Variants in SCLT1 observed in about 807,000 individuals in gnomAD.
SCLT1 encodes the protein sodium channel and clathrin linker 1, also known as sodium channel-associated protein 1.
Under a neutral mutation model 112.8 loss-of-function variants are expected in SCLT1, and 78 were observed. The ratio of observed to expected loss-of-function variants is 0.69; its 90% confidence interval spans 0.58 to 0.83. SCLT1 has a LOEUF of 0.83. SCLT1 is among the 40% of genes least tolerant of loss of function. The probability of loss-of-function intolerance (pLI) is 0.00; values close to 1 mark genes in which losing one functional copy is unlikely to be tolerated. For missense variants in SCLT1, 747 were observed against 770.4 expected (o/e 0.97, Z 0.36); for synonymous variants, 257 against 254.7 (o/e 1.01, Z -0.09).
chr4:128,959,304 C>T (rs1459408219), intron 12 of SCLT1, among the ~76,000 whole-genome samples: 2 of 151,106 alleles, frequency 1.3e-5, no homozygotes, highest in Non-Finnish European at 2.9e-5. Flanking sequence ...AAGTAAAGCA[C>T]TGTTAACAGT....
chr4:128,946,957 C>T (rs1334460142), intron 15 of SCLT1, among the ~76,000 whole-genome samples: 1 of 152,178 alleles, frequency 6.6e-6, no homozygotes, highest in Non-Finnish European at 1.5e-5. Flanking sequence ...CAGGTGTAAG[C>T]AGTTCATACG....
rs1296492772 is a variant in SCLT1 at position 128,992,208 on chromosome 4, A to G, written c.645T>C (p.Thr215=). The G allele has an allele frequency of 6.2e-7, 1 of 1,602,464 alleles. No individual in the cohort carries two copies. The highest frequency in any genetic ancestry group is 8.5e-7 in the Non-Finnish European group (1 of 1,173,482). The change falls in exon 9 of 21, where the codon ACT becomes ACC. Residue 215 remains threonine, a synonymous_variant. Coordinates refer to ENST00000281142, the MANE Select transcript of SCLT1 (RefSeq NM_144643.4). Reference sequence around the variant, plus strand: ...GTTGTTCGATTATCACACTTTGTTCAGTTACTGTTTTCAGAAACTGTTGGT... The same window carrying G: ...GTTGTTCGATTATCACACTTTGTTCGGTTACTGTTTTCAGAAACTGTTGGT... ...VTNQQFLKTV[T]EQSVIIEQLR...
At chr4:128,891,192 ATCTT>A in intron 18 of SCLT1, 55 bp from the exon 19 acceptor site, 1 of 1,308,888 alleles carries the variant, frequency 7.6e-7, no homozygotes, top group Non-Finnish European at 1.1e-6. Context: ...AGAAAACAGA[ATCTT>A]TATTAGCAAG....
Position 129,009,376 on chromosome 4 carries a change from T to C in SCLT1, c.291-5500A>G, listed in dbSNP as rs188643113. 5.0e-3 allele frequency among the ~76,000 whole-genome samples: 764 copies of C among 152,168 alleles called. 6 individuals are homozygous for C. Among genetic ancestry groups the C allele is most frequent in the African/African-American group, 0.017 (718 of 41,494 alleles). On this transcript the variant is annotated intron_variant, in intron 5 of 20. Transcript: ENST00000281142. ...TAAATAAAAAAAAATTAGCCAGGCA[T>C]GGTGGTGGGCACCTGTAGTCCCAGC...
At chr4:129,002,921 A>C (rs545987651) in intron 6 of SCLT1, among the ~76,000 whole-genome samples, 1 of 152,324 alleles carries the variant, frequency 6.6e-6, no homozygotes, top group African/African-American at 2.4e-5. Context: ...TGATCCAGCA[A>C]TCCCATTACT....
intron 18 of SCLT1, among the ~76,000 whole-genome samples, chr4:128,896,608 T>C (rs1733777326): frequency 6.6e-6 from 1 of 152,044 alleles, no homozygotes; most frequent in Non-Finnish European, 1.5e-5. Flanking sequence ...ACTCTAAAAA[T>C]CAGAGTGCCT....
intron 5 of SCLT1, among the ~76,000 whole-genome samples, chr4:129,027,449 G>A (rs556894085): frequency 3.8e-4 from 58 of 152,166 alleles, no homozygotes; most frequent in African/African-American, 1.3e-3. Flanking sequence ...CAATAGATGC[G>A]GAAAAGGCCT....
chr4:128,914,627 T>C (rs1735342978), intron 18 of SCLT1, among the ~76,000 whole-genome samples: 1 of 151,928 alleles, frequency 6.6e-6, no homozygotes, highest in African/African-American at 2.4e-5. Flanking sequence ...TTGAAAACAT[T>C]AAGGAGAAAG....
downstream of SCLT1, among the ~76,000 whole-genome samples, chr4:128,879,827 CTA>C: frequency 6.6e-6 from 1 of 152,228 alleles, no homozygotes; most frequent in East Asian, 1.9e-4. Flanking sequence ...GAAAGGAGAT[CTA>C]GTCTCACTTT....
intron 6 of SCLT1, among the ~76,000 whole-genome samples, chr4:129,001,644 A>G (rs1304500557): frequency 1.3e-5 from 2 of 152,064 alleles, no homozygotes; most frequent in East Asian, 3.8e-4. Context: ...TTCCAAACTG[A>G]CTTCTAGAAA....
intron 4 of SCLT1, among the ~76,000 whole-genome samples, chr4:129,040,756 T>C (rs1319486948): frequency 1.3e-5 from 2 of 152,188 alleles, no homozygotes; most frequent in Non-Finnish European, 2.9e-5. Flanking sequence ...TTTGGAGATA[T>C]AGTATTTTTT....
chr4:128,999,548 A>G (rs936588179), intron 7 of SCLT1, 124 bp downstream of exon 7: 3 of 552,974 alleles, frequency 5.4e-6, no homozygotes, highest in African/African-American at 3.9e-5. Context: ...ATTAACATAA[A>G]TAATAAAGTG....
chr4:128,952,937 A>G, intron 13 of SCLT1, 97 bp from the exon 14 acceptor site: 1 of 717,034 alleles, frequency 1.4e-6, no homozygotes. Context: ...TAAAAATAAA[A>G]TTGTAACTTT....
chr4:128,942,675 G>A (rs948398768), intron 17 of SCLT1, among the ~76,000 whole-genome samples: 2 of 152,138 alleles, frequency 1.3e-5, no homozygotes, highest in African/African-American at 4.8e-5. Context: ...ACTACAGAGA[G>A]AGAAGAGAGG....
At chr4:128,983,919 T>G (rs775816688) in intron 9 of SCLT1, among the ~76,000 whole-genome samples, 14 of 152,194 alleles carry the variant, frequency 9.2e-5, no homozygotes, top group Non-Finnish European at 1.6e-4. Context: ...AATGTCAATA[T>G]GCCCATCATT....
chr4:128,975,912 C>G (rs951323679), intron 9 of SCLT1, among the ~76,000 whole-genome samples: 9 of 152,206 alleles, frequency 5.9e-5, no homozygotes, highest in East Asian at 1.9e-4. Context: ...CTATTCAAGA[C>G]AGAAGGGTTC....
intron 18 of SCLT1, among the ~76,000 whole-genome samples, chr4:128,921,375 G>A (rs1735869426): frequency 6.6e-6 from 1 of 150,600 alleles, no homozygotes; most frequent in Non-Finnish European, 1.5e-5. Flanking sequence ...AGAACAAACT[G>A]GAGGCACCAT....
chr4:129,047,289 T>A, intron 2 of SCLT1, among the ~76,000 whole-genome samples: 1 of 152,058 alleles, frequency 6.6e-6, no homozygotes. Flanking sequence ...ATGAGAGTAG[T>A]TTGGGTAGAG....
chr4:128,895,123 C>T (rs140244805), intron 18 of SCLT1, among the ~76,000 whole-genome samples: 58 of 152,276 alleles, frequency 3.8e-4, no homozygotes, highest in Admixed American at 1.8e-3. Context: ...ATTGTAATAA[C>T]GAGCTGCTTG....
Sources: allele counts gnomAD v4.1 joint callset (sites outside exome capture counted in the v4.1 genomes callset), GRCh38; gene constraint gnomAD v4.1.1; transcripts MANE v1.5; gene names NCBI Gene and HGNC (gene_info 2026-07-23, HGNC 2026-07-21).